RARS2: variants seen among roughly 807,000 people sequenced by gnomAD.
The protein encoded by RARS2 is arginyl-tRNA synthetase 2, mitochondrial.
RARS2 carries 67 observed loss-of-function variants against 88.5 expected under a neutral mutation model. The observed-to-expected ratio is 0.76, with a 90% CI of 0.62 to 0.93. The LOEUF is 0.93. Among genes scored for constraint, RARS2 ranks in the 40% least tolerant of loss-of-function variants. The pLI, the probability that RARS2 is intolerant of heterozygous loss-of-function variation, is 0.00. For synonymous variants in RARS2, 239 were observed against 230.3 expected, an observed-to-expected ratio of 1.04 and a Z score of -0.34; for missense variants, 664 against 684.2, an observed-to-expected ratio of 0.97 and a Z score of 0.33.
intron 4 of RARS2, among the ~76,000 whole-genome samples, chr6:87,561,229 A>G (rs4707376): frequency 0.61 from 92,492 of 151,918 alleles, 28,979 homozygotes; most frequent in African/African-American, 0.75. Context: ...ATGCATATCA[A>G]ACATCAGTTA....
At chr6:87,575,229 A>ACG (rs1771053572) in intron 1 of RARS2, among the ~76,000 whole-genome samples, 1 of 65,262 alleles carries the variant, frequency 1.5e-5, no homozygotes, top group East Asian at 3.0e-4. Flanking sequence ...TAGAAAGCAC[A>ACG]CACACACACA....
intron 1 of RARS2, among the ~76,000 whole-genome samples, chr6:87,582,715 T>C (rs1773989540): frequency 6.6e-6 from 1 of 152,210 alleles, no homozygotes; most frequent in Non-Finnish European, 1.5e-5. Flanking sequence ...TGGATGAATA[T>C]CTGCCCAACA....
chr6:87,521,350 CT>C (rs1370184721), intron 12 of RARS2, 113 bp downstream of exon 12: 4 of 832,136 alleles, frequency 4.8e-6, no homozygotes, highest in Non-Finnish European at 7.9e-6. Flanking sequence ...TTTAAACATA[CT>C]TAATGTTGAC....
intron 1 of RARS2, among the ~76,000 whole-genome samples, chr6:87,582,631 C>A (rs111711056): frequency 9.8e-4 from 149 of 152,220 alleles, no homozygotes; most frequent in African/African-American, 3.3e-3. Context: ...GCTGGTGGGT[C>A]TGTGAGAATA....
intron 8 of RARS2, among the ~76,000 whole-genome samples, chr6:87,535,900 G>T (rs1779007488): frequency 6.6e-6 from 1 of 151,710 alleles, no homozygotes; most frequent in African/African-American, 2.4e-5. Flanking sequence ...GCTGAGGCTG[G>T]TCTCAAACTT....
intron 3 of RARS2, 28 bp from the exon 4 acceptor site, chr6:87,562,813 G>T (rs774856827): frequency 1.9e-6 from 3 of 1,555,934 alleles, no homozygotes; most frequent in South Asian, 2.2e-5. Context: ...CACAAAGTAG[G>T]TATGTTATAT....
intron 2 of RARS2, among the ~76,000 whole-genome samples, chr6:87,566,909 C>T (rs953443284): frequency 5.0e-5 from 6 of 120,716 alleles, no homozygotes; most frequent in Non-Finnish European, 8.8e-5. Flanking sequence ...GTAAAAGAAA[C>T]AAAACTGAGC....
At chr6:87,556,547 G>A (rs1359343064) in intron 4 of RARS2, among the ~76,000 whole-genome samples, 1 of 151,936 alleles carries the variant, frequency 6.6e-6, no homozygotes, top group Admixed American at 6.6e-5. Flanking sequence ...AGCACTTTGG[G>A]AGGCTGAGGC....
Position 87,514,529 on chromosome 6 carries a change from A to G in RARS2, c.1651-30T>C, listed in dbSNP as rs549480077. 3 of 1,521,204 alleles carry G rather than the reference A, an allele frequency of 2.0e-6. No homozygotes were observed. The East Asian group carries it at 6.8e-5, about 34-fold the overall frequency. 94.2% of individuals were successfully genotyped at this position (1,521,204 alleles called of 1,614,324 possible). On this transcript the variant is annotated intron_variant, in intron 19 of 19. Transcript: ENST00000369536. ...AAAATAAATCAAAGAATGATTTAAA[A>G]TATTCAGTAACAGGAATGTATTCAA...
intron 1 of RARS2, among the ~76,000 whole-genome samples, chr6:87,579,745 T>TG (rs1491494398): frequency 9.5e-6 from 1 of 105,178 alleles, no homozygotes; most frequent in East Asian, 2.9e-4. Flanking sequence ...TTTTTTTTTT[T>TG]GAGACAGAGT....
chr6:87,516,973 G>C (rs528222012), intron 17 of RARS2, 93 bp from the exon 18 acceptor site: 1 of 1,554,886 alleles, frequency 6.4e-7, no homozygotes, highest in South Asian at 1.1e-5. Context: ...AGGTTGACTC[G>C]ACACGATTAA....
intron 5 of RARS2, among the ~76,000 whole-genome samples, chr6:87,551,435 G>C (rs1299332631): frequency 6.6e-6 from 1 of 151,920 alleles, no homozygotes; most frequent in African/African-American, 2.4e-5. Context: ...AGACCAGCCT[G>C]ACCAACATGG....
intron 14 of RARS2, 68 bp downstream of exon 14, chr6:87,519,515 C>T (rs1448937410): frequency 5.3e-6 from 8 of 1,512,764 alleles, no homozygotes; most frequent in Non-Finnish European, 6.4e-6. Context: ...AATCACACTG[C>T]CCAAAGTCCA....
intron 7 of RARS2, among the ~76,000 whole-genome samples, chr6:87,542,219 G>C (rs1781220842): frequency 6.6e-6 from 1 of 152,078 alleles, no homozygotes; most frequent in Non-Finnish European, 1.5e-5. Context: ...CTGAAATTAA[G>C]CTCACAGAAA....
chr6:87,579,873 C>T (rs1047238551), intron 1 of RARS2, among the ~76,000 whole-genome samples: 6 of 151,748 alleles, frequency 4.0e-5, no homozygotes, highest in African/African-American at 1.5e-4. Context: ...ACTACAGCCT[C>T]AGCCTGGGAT....
intron 1 of RARS2, among the ~76,000 whole-genome samples, chr6:87,570,264 C>T (rs1452087421): frequency 6.6e-6 from 1 of 152,102 alleles, no homozygotes; most frequent in Non-Finnish European, 1.5e-5. Flanking sequence ...CATCAACTCC[C>T]CAAAGTACTG....
chr6:87,559,413 A>G (rs932828664), intron 4 of RARS2, among the ~76,000 whole-genome samples: 4 of 135,904 alleles, frequency 2.9e-5, no homozygotes, highest in Non-Finnish European at 6.2e-5. Flanking sequence ...GTGGGAGCTG[A>G]GGCTGTGCCA....
intron 10 of RARS2, among the ~76,000 whole-genome samples, chr6:87,527,438 G>A (rs114170027): frequency 2.0e-3 from 300 of 152,274 alleles, no homozygotes; most frequent in African/African-American, 7.0e-3. Context: ...GTGGATTAAA[G>A]ACAAATCTAA....
In RARS2 at chr6:87,559,463, CAAAAA is replaced by C. The variant is rs753856335; in HGVS notation, c.297+3234_297+3238del. Among the ~76,000 whole-genome samples the C allele has an allele frequency of 6.4e-3, 599 of 93,268 alleles. 6 individuals are homozygous for C. Among genetic ancestry groups the C allele is most frequent in the African/African-American group, 0.019 (506 of 26,146 alleles). The allele number at this position is 93,268 out of a possible 152,430, so 61.2% of individuals were successfully genotyped here. On this transcript the variant is annotated intron_variant, in intron 4 of 19. Coordinates refer to ENST00000369536, the MANE Select transcript of RARS2 (RefSeq NM_020320.5). ...GGGCAACAAGAGTGAAACTCTGTCT[CAAAAA>C]AAAAAAAAAAAAAAAAAAAAAAGAG...
Sources: allele counts gnomAD v4.1 joint callset (sites outside exome capture counted in the v4.1 genomes callset), GRCh38; gene constraint gnomAD v4.1.1; transcripts MANE v1.5; gene names NCBI Gene and HGNC (gene_info 2026-07-23, HGNC 2026-07-21).